MAP7D1: variants seen among roughly 807,000 people sequenced by gnomAD.
The protein encoded by MAP7D1 is MAP7 domain containing 1, also known as MAP7 domain-containing protein 1.
Under a neutral mutation model 97.5 loss-of-function variants are expected in MAP7D1, and 30 were observed. That is an observed-to-expected ratio of 0.31 (90% CI 0.23 to 0.42). The LOEUF (loss-of-function observed/expected upper bound fraction) is 0.42, where lower values mean the gene tolerates loss of function less well. MAP7D1 is among the 10% of genes least tolerant of loss of function. MAP7D1 has a pLI of 1.00. For missense variants in MAP7D1, 1,184 were observed against 1,179.5 expected, an observed-to-expected ratio of 1.00 and a Z score of -0.06; for synonymous variants, 536 against 477.1, an observed-to-expected ratio of 1.12 and a Z score of -1.61.
At chr1:36,167,830 C>T (rs888042434) in intron 1 of MAP7D1, among the ~76,000 whole-genome samples, 12 of 152,204 alleles carry the variant, frequency 7.9e-5, no homozygotes, top group Non-Finnish European at 1.6e-4. Context: ...GACTGTCTTG[C>T]CTGGTGGGTG....
intron 2 of MAP7D1, 64 bp from the exon 3 acceptor site, chr1:36,171,449 T>C (rs924992023): frequency 5.0e-6 from 8 of 1,589,238 alleles, no homozygotes; most frequent in Non-Finnish European, 2.6e-6. Flanking sequence ...GAGGGAGGGA[T>C]CTGAGGCTGA....
At chr1:36,175,088 C>G in intron 6 of MAP7D1, 80 bp downstream of exon 6, 1 of 856,804 alleles carries the variant, frequency 1.2e-6, no homozygotes, top group Non-Finnish European at 1.8e-6. Flanking sequence ...AGCAAGAACA[C>G]CAGGTCCCTG....
chr1:36,170,226 C>T (rs2124224572), intron 1 of MAP7D1, among the ~76,000 whole-genome samples: 1 of 152,364 alleles, frequency 6.6e-6, no homozygotes, highest in East Asian at 1.9e-4. Flanking sequence ...TCCCTTACTT[C>T]ACTTCGATGT....
chr1:36,178,541 C>G lies in MAP7D1; in HGVS notation c.1831C>G (p.Arg611Gly). 6.3e-7 allele frequency: 1 copy of G among 1,597,152 alleles called. No homozygotes were observed. The highest frequency in any genetic ancestry group is 8.5e-7 in the Non-Finnish European group (1 of 1,172,654). Residue 611 changes from arginine (R) to glycine (G), a missense_variant, in exon 10 of 17, where the codon CGG becomes GGG. Transcript: ENST00000474796. Reference sequence around the variant, plus strand: ...CTTGGCTGAGAAGCGGCGCCAGGCCCGGGAGCAGCGGGAGCGCGAGGAGCA... The same window carrying G: ...CTTGGCTGAGAAGCGGCGCCAGGCCGGGGAGCAGCGGGAGCGCGAGGAGCA... ...RLLAEKRRQA[R>G]EQREREEQER...
chr1:36,178,892 T>C, intron 11 of MAP7D1, 29 bp from the exon 12 acceptor site: 1 of 1,550,212 alleles, frequency 6.5e-7, no homozygotes, highest in Non-Finnish European at 8.7e-7. Flanking sequence ...TGGAGTCAAG[T>C]GCCCCACGCT....
At chr1:36,172,909 T>C (rs1354950586) in intron 4 of MAP7D1, among the ~76,000 whole-genome samples, 1 of 152,252 alleles carries the variant, frequency 6.6e-6, no homozygotes, top group Non-Finnish European at 1.5e-5. Flanking sequence ...TATGCAGGTA[T>C]GCATCTGTGT....
In MAP7D1 at chr1:36,176,816, C is replaced by T; in HGVS notation, c.1353C>T (p.Leu451=). 1 of 1,599,306 alleles carries T rather than the reference C, an allele frequency of 6.3e-7. No homozygotes were observed. The highest frequency in any genetic ancestry group is 8.5e-7 in the Non-Finnish European group (1 of 1,173,522). The change falls in exon 8 of 17, where the codon CTC becomes CTT. Residue 451 remains leucine (L), a synonymous_variant. Coordinates refer to ENST00000474796, the MANE Select transcript of MAP7D1 (RefSeq NM_001388490.1). The surrounding 1 kb of genome is among the most constrained non-coding windows in gnomAD (Gnocchi z 6.1). ...TGCCCGCCTCCCCACGTGCCCGCCT[C>T]TCTGCCAGCACCGCCTCTGAGCTCA... The part of the protein sequence containing the change: ...QSLPASPRAR[L]SASTASELSP...
chr1:36,173,789 A>G (rs183619801), intron 5 of MAP7D1, among the ~76,000 whole-genome samples: 2 of 152,288 alleles, frequency 1.3e-5, no homozygotes, highest in Non-Finnish European at 2.9e-5. Flanking sequence ...ACCTACAGAC[A>G]CTGGATCTTA....
At chr1:36,158,363 C>T (rs1644365491) in intron 1 of MAP7D1, among the ~76,000 whole-genome samples, 1 of 152,084 alleles carries the variant, frequency 6.6e-6, no homozygotes, top group South Asian at 2.1e-4. Context: ...AGCATGTGCC[C>T]TGTGATAGTC....
chr1:36,165,272 C>T lies in MAP7D1; in HGVS notation c.47-5699C>T, dbSNP rs145296450. On this transcript the variant is annotated intron_variant, in intron 1 of 16. Transcript: ENST00000474796. ...CTAACTAGCTGAGACTACAGGTGTG[C>T]ACCACCATGCCCAGCTGTTTTTTAT... 7.2e-5 allele frequency among the ~76,000 whole-genome samples: 11 copies of T among 152,090 alleles called. No individual in the cohort carries two copies. The East Asian group carries it at 1.9e-3, about 27-fold the overall frequency.
Position 36,174,577 on chromosome 1 carries a change from G to C in MAP7D1, c.740-321G>C, listed in dbSNP as rs1331116518. Among the ~76,000 whole-genome samples the C allele has an allele frequency of 2.0e-5, 3 of 152,194 alleles. No homozygotes were observed. In the East Asian group the frequency reaches 5.8e-4, roughly 29 times the overall value. ...CAGTGTCAGCAAGTGCTAATGCTGG[G>C]TGGTTATGGGGAGGGGTTGCAGTAC... On this transcript the variant is annotated intron_variant, in intron 5 of 16. Coordinates refer to ENST00000474796, the MANE Select transcript of MAP7D1 (RefSeq NM_001388490.1).
rs1459257571 is a variant in MAP7D1, at chr1:36,159,405, T to C, written c.46+2942T>C. Among the ~76,000 whole-genome samples the C allele has an allele frequency of 6.6e-6, 1 of 152,068 alleles. No homozygotes were observed. Among genetic ancestry groups the C allele is most frequent in the African/African-American group, 2.4e-5 (1 of 41,400 alleles). ...TTTTAATTCCGTCAGAAGCCTGAGA[T>C]GTGATTGATTAGAATTGTAGGAGGT... On this transcript the variant is annotated intron_variant, in intron 1 of 16. Transcript: ENST00000474796. This position sits in a 1 kb window ranked among gnomAD's most constrained non-coding sequence, Gnocchi z 5.4.
chr1:36,177,585 G>A (rs1385461799), intron 8 of MAP7D1: 1 of 681,480 alleles, frequency 1.5e-6, no homozygotes. Context: ...GTAGCACTCA[G>A]GGTGCTGAGG....
chr1:36,178,718 C>CGAGGCCCGGGCGGAGCGGGAGGCG lies in MAP7D1; in HGVS notation c.1930_1953dup (p.Ala644_Arg651dup), dbSNP rs770396713. On this transcript the variant is annotated inframe_insertion, in exon 11 of 17. Transcript: ENST00000474796. ...GAGAGGAGCAGCTGGCACGGGAGGC[C>CGAGGCCCGGGCGGAGCGGGAGGCG]GAGGCCCGGGCGGAGCGGGAGGCGG... 1.7e-5 allele frequency: 26 copies of CGAGGCCCGGGCGGAGCGGGAGGCG among 1,536,542 alleles called. No individual in the cohort carries two copies. Among genetic ancestry groups the CGAGGCCCGGGCGGAGCGGGAGGCG allele is most frequent in the East Asian group, 7.3e-5 (3 of 40,818 alleles).
At chr1:36,168,813 G>A (rs272811) in intron 1 of MAP7D1, among the ~76,000 whole-genome samples, 113,652 of 152,108 alleles carry the variant, frequency 0.75, 43,182 homozygotes, top group East Asian at 0.91. Flanking sequence ...CTCTGATGAT[G>A]GCTACTGGGT....
intron 1 of MAP7D1, among the ~76,000 whole-genome samples, chr1:36,170,187 C>T (rs1644521965): frequency 6.6e-6 from 1 of 152,190 alleles, no homozygotes. Flanking sequence ...CTCAATTGCC[C>T]CACATGTGTA....
At chr1:36,160,289 G>C (rs1644390000) in intron 1 of MAP7D1, among the ~76,000 whole-genome samples, 1 of 152,238 alleles carries the variant, frequency 6.6e-6, no homozygotes, top group East Asian at 1.9e-4. Flanking sequence ...CTCAGCTGCA[G>C]CTCTGCCCTG....
chr1:36,172,368 G>A, intron 3 of MAP7D1, 96 bp from the exon 4 acceptor site: 1 of 1,243,516 alleles, frequency 8.0e-7, no homozygotes, highest in Non-Finnish European at 1.1e-6. Flanking sequence ...CCCACCCAGG[G>A]CATGGGTAGC....
intron 1 of MAP7D1, 142 bp from the exon 2 acceptor site, chr1:36,170,829 T>A (rs992743398): frequency 8.1e-6 from 5 of 613,750 alleles, no homozygotes; most frequent in African/African-American, 7.4e-5. Flanking sequence ...ATCATGAGTA[T>A]CTGGAACAGG....
Sources: gnomAD v4.1 joint callset for allele counts (sites outside exome capture counted in the v4.1 genomes callset) on GRCh38, gnomAD v4.1.1 for gene constraint, Gnocchi (gnomAD v3.1) non-coding constraint, MANE v1.5 for transcripts, NCBI Gene and HGNC (gene_info 2026-07-23, HGNC 2026-07-21) for gene names.